The following EXOC5 variants were observed in gnomAD, a reference collection of about 807,000 sequenced individuals.
EXOC5 encodes exocyst complex component 5.
EXOC5 carries 17 observed loss-of-function variants against 90.8 expected under a neutral mutation model. The ratio of observed to expected loss-of-function variants is 0.19; its 90% CI spans 0.13 to 0.28. The LOEUF (loss-of-function observed/expected upper bound fraction) is 0.28, where lower values mean the gene tolerates loss of function less well. EXOC5 is among the 10% of genes least tolerant of loss of function. The probability of loss-of-function intolerance (pLI) is 1.00; values close to 1 mark genes in which losing one functional copy is unlikely to be tolerated. For missense variants in EXOC5, 569 were observed against 830.6 expected, an observed-to-expected ratio of 0.69 and a Z score of 3.87; for synonymous variants, 260 against 270.0, an observed-to-expected ratio of 0.96 and a Z score of 0.36.
At chr14:57,223,130 C>T (rs537404122) in intron 12 of EXOC5, among the ~76,000 whole-genome samples, 11 of 151,934 alleles carry the variant, frequency 7.2e-5, no homozygotes, top group African/African-American at 1.4e-4. Context: ...AGAATAAATA[C>T]GAAAATAAGC....
intron 15 of EXOC5, 61 bp downstream of exon 15, chr14:57,217,921 C>T: frequency 2.5e-6 from 2 of 796,586 alleles, no homozygotes; most frequent in South Asian, 3.0e-5. Flanking sequence ...TATTTTCATG[C>T]TGCTATAATA....
intron 1 of EXOC5, among the ~76,000 whole-genome samples, chr14:57,260,341 T>C (rs1464628561): frequency 2.0e-5 from 3 of 152,162 alleles, no homozygotes; most frequent in Admixed American, 2.0e-4. Context: ...TGAAAAAGTA[T>C]TTTGAAAACT....
intron 15 of EXOC5, among the ~76,000 whole-genome samples, chr14:57,211,011 T>G (rs1566724059): frequency 6.6e-6 from 1 of 152,236 alleles, no homozygotes; most frequent in Non-Finnish European, 1.5e-5. Context: ...GGAGATATTC[T>G]GCTGGATGGC....
chr14:57,268,838 G>A lies in EXOC5; in HGVS notation c.-190C>T, dbSNP rs904057726. 7.5e-7 allele frequency: 1 copy of A among 1,329,938 alleles called. No individual in the cohort carries two copies. Among genetic ancestry groups the A allele is most frequent in the African/African-American group, 1.6e-5 (1 of 64,084 alleles). 82.4% of individuals were successfully genotyped at this position (1,329,938 alleles called of 1,614,324 possible). A position where few individuals can be genotyped will look rare whatever the true frequency, so the allele number is the denominator to read the frequency against. ...CCATGAAGCGAAGCCGCAAACGCTT[G>A]TCAGCTGCCTCCCGGCGCCGCCCGC... On this transcript the variant is annotated 5_prime_UTR_variant, in exon 1 of 18. Transcript: ENST00000621441.
chr14:57,265,750 G>T, intron 1 of EXOC5, among the ~76,000 whole-genome samples: 1 of 152,118 alleles, frequency 6.6e-6, no homozygotes, highest in East Asian at 1.9e-4. Context: ...GAATTTCTGA[G>T]CCCAGCCACT....
chr14:57,214,934 TGAA>T (rs879574930), intron 15 of EXOC5, among the ~76,000 whole-genome samples: 40 of 152,166 alleles, frequency 2.6e-4, no homozygotes, highest in Non-Finnish European at 4.7e-4. Context: ...CTACCCAACA[TGAA>T]GAGAAGAATC....
At chr14:57,262,045 A>G (rs1408433546) in intron 1 of EXOC5, among the ~76,000 whole-genome samples, 1 of 152,054 alleles carries the variant, frequency 6.6e-6, no homozygotes, top group African/African-American at 2.4e-5. Flanking sequence ...ATCCTCTCCT[A>G]CTATAATCTC....
At position 57,247,621 on chromosome 14, in the gene EXOC5, T is replaced by G; in HGVS notation, c.119A>C (p.Lys40Thr). The change falls in exon 2 of 18, where the codon AAA (lysine) becomes ACA (threonine). Residue 40 changes from lysine to threonine, a missense_variant. Lys to Thr is a moderately conservative substitution (Grantham distance 78). Transcript: ENST00000621441. ...SRGGPEAFDP[K>T]RLLEEFVNHI... ...GAAAAAAATTTTTTTATTTCACCTT[T>G]TAGGATCAAAAGCTTCAGGTCCACC... 6.5e-7 allele frequency: 1 copy of G among 1,536,912 alleles called. No homozygotes were observed. The highest frequency in any genetic ancestry group is 8.8e-7 in the Non-Finnish European group (1 of 1,135,546).
In EXOC5 at chr14:57,208,502, G is replaced by T. The variant is rs1482168642; in HGVS notation, c.*107C>A. The T allele has an allele frequency of 3.1e-6, 2 of 652,472 alleles. No homozygotes were observed. The highest frequency in any genetic ancestry group is 3.5e-5 in the South Asian group (1 of 28,270). 40.4% of individuals were successfully genotyped at this position (652,472 alleles called of 1,614,324 possible). On this transcript the variant is annotated 3_prime_UTR_variant, in exon 18 of 18. Transcript: ENST00000621441. ...CCAGTCATTGTTTCACAAAATGTTG[G>T]CTGTGTCATAAGGTATCTCCTGTGC...
At chr14:57,249,056 G>T (rs1273751778) in intron 1 of EXOC5, among the ~76,000 whole-genome samples, 1 of 152,064 alleles carries the variant, frequency 6.6e-6, no homozygotes, top group Non-Finnish European at 1.5e-5. Flanking sequence ...ACCATCACAT[G>T]AAATACCCCT....
At chr14:57,213,999 A>T (rs1882901203) in intron 15 of EXOC5, among the ~76,000 whole-genome samples, 2 of 152,092 alleles carry the variant, frequency 1.3e-5, no homozygotes, top group South Asian at 4.1e-4. Flanking sequence ...AGATAAACAT[A>T]AAGTTTCCTC....
At chr14:57,234,957 T>A (rs994013922) in intron 7 of EXOC5, among the ~76,000 whole-genome samples, 2 of 152,304 alleles carry the variant, frequency 1.3e-5, no homozygotes, top group Admixed American at 6.5e-5. Context: ...TGTATTTTAA[T>A]AAAATGTGTT....
At chr14:57,247,156 T>C (rs1335472624) in intron 2 of EXOC5, among the ~76,000 whole-genome samples, 2 of 152,078 alleles carry the variant, frequency 1.3e-5, no homozygotes, top group Non-Finnish European at 2.9e-5. Flanking sequence ...CAGAGGTGAA[T>C]GAAAACCTCA....
At position 57,259,578 on chromosome 14, in the gene EXOC5, T is replaced by C. The variant is rs377473945; in HGVS notation, c.27+9044A>G. On this transcript the variant is annotated intron_variant, in intron 1 of 17. Coordinates refer to ENST00000621441, the MANE Select transcript of EXOC5 (RefSeq NM_006544.4). ...GTAACTCACCCCACCAAGTATGGCC[T>C]TTCTCCTCCAACAATTCAAACACTG... Among the ~76,000 whole-genome samples, 18 of 152,266 alleles carry C rather than the reference T, an allele frequency of 1.2e-4. No individual in the cohort carries two copies. The East Asian group carries it at 2.9e-3, about 25-fold the overall frequency.
rs1011935946 is a variant in EXOC5, at chr14:57,202,289, T to C, written c.*6320A>G. On this transcript the variant is annotated 3_prime_UTR_variant, in exon 18 of 18. Coordinates refer to ENST00000621441, the MANE Select transcript of EXOC5 (RefSeq NM_006544.4). ...AGCCACTACAACCTAAAGCAATACATGATTTTGAACTGAGATCCTTAAAAG... is the reference window on the plus strand; with the variant it reads ...AGCCACTACAACCTAAAGCAATACACGATTTTGAACTGAGATCCTTAAAAG... 1 of 152,168 alleles carries C rather than the reference T, an allele frequency of 6.6e-6. No individual in the cohort carries two copies. The highest frequency in any genetic ancestry group is 2.4e-5 in the African/African-American group (1 of 41,440). The allele number at this position is 152,168 out of a possible 1,614,324, so 9.4% of individuals were successfully genotyped here.
chr14:57,264,790 T>C (rs1884621807), intron 1 of EXOC5, among the ~76,000 whole-genome samples: 1 of 152,196 alleles, frequency 6.6e-6, no homozygotes, highest in Non-Finnish European at 1.5e-5. Context: ...AGAGGCAATC[T>C]TCCCATCCTC....
chr14:57,265,355 G>T (rs149267097), intron 1 of EXOC5, among the ~76,000 whole-genome samples: 1 of 152,108 alleles, frequency 6.6e-6, no homozygotes, highest in East Asian at 1.9e-4. Context: ...GAATTATGGG[G>T]GAAAAAATTA....
chr14:57,235,187 T>C (rs1046798449), intron 7 of EXOC5, among the ~76,000 whole-genome samples: 8 of 152,154 alleles, frequency 5.3e-5, no homozygotes, highest in Admixed American at 2.6e-4. Context: ...GGAAGAACCA[T>C]TTCTTTAAGC....
At chr14:57,211,383 A>C (rs1882820637) in intron 15 of EXOC5, among the ~76,000 whole-genome samples, 1 of 151,964 alleles carries the variant, frequency 6.6e-6, no homozygotes, top group African/African-American at 2.4e-5. Flanking sequence ...TATATGTAAG[A>C]AGTCAGACGT....
Sources: gnomAD v4.1 joint callset for allele counts (sites outside exome capture counted in the v4.1 genomes callset) on GRCh38, gnomAD v4.1.1 for gene constraint, MANE v1.5 for transcripts, NCBI Gene and HGNC (gene_info 2026-07-23, HGNC 2026-07-21) for gene names.